The following SRRM2 variants were observed in gnomAD, a reference collection of about 807,000 sequenced individuals.
SRRM2 encodes serine/arginine repetitive matrix protein 2.
Under a neutral mutation model 213.8 loss-of-function variants are expected in SRRM2, and 30 were observed. The ratio of observed to expected loss-of-function variants is 0.14; its 90% CI spans 0.10 to 0.19. The LOEUF (loss-of-function observed/expected upper bound fraction) is 0.19, where lower values mean the gene tolerates loss of function less well. SRRM2 is among the 10% of genes least tolerant of loss of function. The pLI is 1.00. For synonymous variants in SRRM2, 2,025 were observed against 1,377.7 expected, an observed-to-expected ratio of 1.47 and a Z score of -10.40; for missense variants, 4,904 against 3,647.0, an observed-to-expected ratio of 1.34 and a Z score of -8.88.
intron 2 of SRRM2, 107 bp from the exon 3 acceptor site, chr16:2,757,356 AAAGTTCTGT>A (rs2068181029): frequency 1.3e-6 from 1 of 785,770 alleles, no homozygotes; most frequent in Admixed American, 2.5e-5. Context: ...GGGTGAGCGA[AAAGTTCTGT>A]GTGCGCATGG....
chr16:2,759,760 C>A (rs2068273600), intron 9 of SRRM2, 99 bp downstream of exon 9: 1 of 1,106,594 alleles, frequency 9.0e-7, no homozygotes. Context: ...CTGCACAGAC[C>A]ATTCGGAAGA....
At position 2,762,694 on chromosome 16, in the gene SRRM2, C is replaced by A. The variant is rs557517684; in HGVS notation, c.2166C>A (p.Gly722=). The A allele has an allele frequency of 1.2e-6, 2 of 1,614,174 alleles. No homozygotes were observed. Among genetic ancestry groups the A allele is most frequent in the East Asian group, 4.5e-5 (2 of 44,884 alleles). The change falls in exon 11 of 15, where the codon GGC becomes GGA. Residue 722 remains glycine, a synonymous_variant. Transcript: ENST00000301740. ...ACTCTAGAACACCTCAAAGAAGAGG[C>A]AGATCTGGCTCATCTTCAGAGCGGA... is the stretch of plus-strand genomic sequence containing the variant. ...RSHSRTPQRR[G]RSGSSSERKN... is the part of the protein sequence containing the mutation.
chr16:2,758,854 G>A, intron 5 of SRRM2, 131 bp from the exon 6 acceptor site: 1 of 938,780 alleles, frequency 1.1e-6, no homozygotes, highest in Non-Finnish European at 1.6e-6. Flanking sequence ...TAAGTCCTGG[G>A]CTTAGGTCTG....
rs766711316 is a variant in SRRM2, at chr16:2,770,627, G to A, written c.8159G>A (p.Arg2720Gln). 5.8e-6 allele frequency: 9 copies of A among 1,552,566 alleles called. No individual in the cohort carries two copies. Among genetic ancestry groups the A allele is most frequent in the South Asian group, 1.2e-5 (1 of 84,304 alleles). ...AGCAGCAGCAGTGAGCGGGGTTCCC[G>A]GAGAGGCCAGCGTGGGGACAGCCGC... ...QQSSSSERGS[R>Q]RGQRGDSRSP... The change falls in exon 14 of 15, where the codon CGG (arginine) becomes CAG (glutamine). Residue 2720 changes from arginine to glutamine, a missense_variant. By Grantham distance (43) the Arg-to-Gln change is conservative (BLOSUM62 1). Transcript: ENST00000301740.
In SRRM2 at chr16:2,762,560, A is replaced by G. The variant is rs1441600883; in HGVS notation, c.2032A>G (p.Ser678Gly). 1.2e-6 allele frequency: 2 copies of G among 1,613,864 alleles called. No homozygotes were observed. The highest frequency in any genetic ancestry group is 1.7e-6 in the Non-Finnish European group (2 of 1,179,966). Reference sequence around the variant, plus strand: ...ACGCTCTAGAACCCCAGCTAGACGCAGTGGTCGCTCACGCTCCAGAACACC... The same window carrying G: ...ACGCTCTAGAACCCCAGCTAGACGCGGTGGTCGCTCACGCTCCAGAACACC... The part of the protein sequence containing the change: ...RSRSRTPARR[S>G]GRSRSRTPAR... Residue 678 changes from serine to glycine, a missense_variant, in exon 11 of 15, where the codon AGT becomes GGT. By Grantham distance (56) the Ser-to-Gly change is moderately conservative. Transcript: ENST00000301740.
chr16:2,769,359 G>C, intron 12 of SRRM2, 75 bp downstream of exon 12: 4 of 1,478,928 alleles, frequency 2.7e-6, no homozygotes, highest in Non-Finnish European at 3.6e-6. Context: ...TGGGGTGTGA[G>C]CTCCCCGCTG....
In SRRM2 at chr16:2,767,186, C is replaced by A; in HGVS notation, c.6658C>A (p.Leu2220Ile). 1 of 1,614,220 alleles carries A rather than the reference C, an allele frequency of 6.2e-7. No homozygotes were observed. Residue 2220 changes from leucine (L) to isoleucine (I), a missense_variant, in exon 11 of 15, where the codon CTC becomes ATC. Transcript: ENST00000301740. ...TCCAGCCCCGGTGCCTCTCATGAGTCTCAGAACCGCACCAGCAGCCAACCT... is the reference window on the plus strand; with the variant it reads ...TCCAGCCCCGGTGCCTCTCATGAGTATCAGAACCGCACCAGCAGCCAACCT... ...QVPAPVPLMSLRTAPAANLAS... is the reference protein window; with the variant it reads ...QVPAPVPLMSIRTAPAANLAS...
In SRRM2 at chr16:2,764,160, G is replaced by C; in HGVS notation, c.3632G>C (p.Arg1211Thr). ...VFKDTLRTPP[R>T]ERSGAGSSPE... ...AAAGACACACTTAGAACCCCGCCAA[G>C]GGAAAGAAGTGGTGCTGGGTCATCT... The change falls in exon 11 of 15, where the codon AGG becomes ACG. Residue 1211 changes from arginine to threonine, a missense_variant. Coordinates refer to ENST00000301740, the MANE Select transcript of SRRM2 (RefSeq NM_016333.4). 2 of 1,614,194 alleles carry C rather than the reference G, an allele frequency of 1.2e-6. No individual in the cohort carries two copies. Among genetic ancestry groups the C allele is most frequent in the Non-Finnish European group, 1.7e-6 (2 of 1,180,040 alleles).
rs780595446 is a variant in SRRM2, at chr16:2,765,166, T to C, written c.4638T>C (p.Asp1546=). 3.7e-6 allele frequency: 6 copies of C among 1,614,066 alleles called. No homozygotes were observed. The East Asian group carries it at 1.1e-4, about 30-fold the overall frequency. The change falls in exon 11 of 15, where the codon GAT becomes GAC. Residue 1546 remains aspartate, a synonymous_variant. Transcript: ENST00000301740. ...GTTCGGGATCCTCTCAAGAACTTGA[T>C]GTGAAACCCAGTGCATCCCCTCAGG... ...RSRSGSSQEL[D]VKPSASPQER...
Position 2,761,893 on chromosome 16 carries a change from T to C in SRRM2, c.1365T>C (p.Ser455=), listed in dbSNP as rs749045625. 2.5e-6 allele frequency: 4 copies of C among 1,612,956 alleles called. No individual in the cohort carries two copies. In the East Asian group the frequency reaches 8.9e-5, roughly 36 times the overall value. ...PAPGSHREIS[S]SPTSKNRSHG... ...CAGGGTCCCACCGAGAGATTTCTTC[T>C]TCTCCCACATCTAAGAATCGCTCAC... Residue 455 remains serine (S), a synonymous_variant, in exon 11 of 15, where the codon TCT becomes TCC. Transcript: ENST00000301740.
Position 2,763,973 on chromosome 16 carries a change from G to A in SRRM2, c.3445G>A (p.Asp1149Asn). ...TGACTCTTCTTCATATCCTACAGTG[G>A]ACTCGAATTCTCTCTTGGGGCAGAG... Reference protein sequence around the residue: ...QSDSSSYPTVDSNSLLGQSRL... With the variant: ...QSDSSSYPTVNSNSLLGQSRL... Residue 1149 changes from aspartate (D) to asparagine (N), a missense_variant, in exon 11 of 15, where the codon GAC (aspartate) becomes AAC (asparagine). Transcript: ENST00000301740. The A allele has an allele frequency of 6.2e-7, 1 of 1,614,180 alleles. No individual in the cohort carries two copies.
chr16:2,755,110 T>C lies in SRRM2; in HGVS notation c.-31-1224T>C, dbSNP rs1295025680. Among the ~76,000 whole-genome samples the C allele has an allele frequency of 2.6e-5, 4 of 152,254 alleles. No homozygotes were observed. In the East Asian group the frequency reaches 7.7e-4, roughly 29 times the overall value. On this transcript the variant is annotated intron_variant, in intron 1 of 14. Transcript: ENST00000301740. Reference sequence around the variant, plus strand: ...GTAGTATTTTCTCATATATGCATGTTCTAGGAAACTATCTTGGAGAGGATG... The same window carrying C: ...GTAGTATTTTCTCATATATGCATGTCCTAGGAAACTATCTTGGAGAGGATG...
chr16:2,762,669 A>C lies in SRRM2; in HGVS notation c.2141A>C (p.His714Pro), dbSNP rs765184354. 1 of 1,614,038 alleles carries C rather than the reference A, an allele frequency of 6.2e-7. No individual in the cohort carries two copies. The highest frequency in any genetic ancestry group is 1.3e-5 in the African/African-American group (1 of 74,994). The change falls in exon 11 of 15, where the codon CAC becomes CCC. Residue 714 changes from histidine to proline, a missense_variant. Physicochemically the swap from His to Pro is moderately conservative, Grantham distance 77. Coordinates refer to ENST00000301740, the MANE Select transcript of SRRM2 (RefSeq NM_016333.4). ...AGCTTAGTTAGACGTGGAAGATCTCACTCTAGAACACCTCAAAGAAGAGGC... is the reference window on the plus strand; with the variant it reads ...AGCTTAGTTAGACGTGGAAGATCTCCCTCTAGAACACCTCAAAGAAGAGGC... ...SRSLVRRGRSHSRTPQRRGRS... is the reference protein window; with the variant it reads ...SRSLVRRGRSPSRTPQRRGRS...
Position 2,769,186 on chromosome 16 carries a change from C to G in SRRM2, c.7923C>G (p.Ser2641=), listed in dbSNP as rs1186870486. 2 of 1,610,742 alleles carry G rather than the reference C, an allele frequency of 1.2e-6. No homozygotes were observed. The highest frequency in any genetic ancestry group is 1.7e-6 in the Non-Finnish European group (2 of 1,178,208). Residue 2641 remains serine, a synonymous_variant, in exon 12 of 15, where the codon TCC becomes TCG. Coordinates refer to ENST00000301740, the MANE Select transcript of SRRM2 (RefSeq NM_016333.4). ...SSSSSSSSSS[S]SSSSSSSPSP... is the part of the protein sequence containing the mutation. ...CTTCTTCTTCTTCCTCCTCATCTTC[C>G]TCCTCCTCGTCGTCTTCCTCCCCTT...
chr16:2,768,392 T>C, intron 11 of SRRM2, 131 bp downstream of exon 11: 1 of 1,037,346 alleles, frequency 9.6e-7, no homozygotes, highest in Non-Finnish European at 1.4e-6. Flanking sequence ...ACCCTCAAGC[T>C]GGGGGTAGAA....
chr16:2,752,818 C>T lies in SRRM2; in HGVS notation c.-60C>T, dbSNP rs1476342076. On this transcript the variant is annotated 5_prime_UTR_variant, in exon 1 of 15. Transcript: ENST00000301740. ...GCAGCGGCGGCGGCAAGACCTCTCC[C>T]CCTCGGAGGCGGCGGGCGGAGGCGG... The T allele has an allele frequency of 9.7e-6, 3 of 310,598 alleles. No individual in the cohort carries two copies. The highest frequency in any genetic ancestry group is 2.3e-5 in the African/African-American group (1 of 43,496). 19.2% of individuals were successfully genotyped at this position (310,598 alleles called of 1,614,324 possible). A position where few individuals can be genotyped will look rare whatever the true frequency, so the allele number is the denominator to read the frequency against.
At position 2,759,397 on chromosome 16, in the gene SRRM2, A is replaced by G. The variant is rs773680637; in HGVS notation, c.735A>G (p.Arg245=). The stretch of plus-strand genomic sequence containing the variant: ...AACGTAAATCTAAGGACAAAAAGCG[A>G]AAGCGGTGAGTGAATTTGTGGGGAA... ...KSKRKSKDKK[R]KRSRSTTPAP... The change falls in exon 8 of 15, where the codon CGA becomes CGG. Residue 245 remains arginine (R), a synonymous_variant. Transcript: ENST00000301740. 8.2e-6 allele frequency: 13 copies of G among 1,593,806 alleles called. No homozygotes were observed. Among genetic ancestry groups the G allele is most frequent in the Admixed American group, 1.8e-5 (1 of 54,586 alleles).
chr16:2,758,370 T>G, intron 4 of SRRM2, 100 bp from the exon 5 acceptor site: 2 of 1,133,988 alleles, frequency 1.8e-6, no homozygotes, highest in South Asian at 1.3e-5. Context: ...GACTCTTATT[T>G]TTTTATTTTT....
intron 10 of SRRM2, among the ~76,000 whole-genome samples, chr16:2,761,186 G>GT (rs1158906277): frequency 6.6e-6 from 1 of 152,074 alleles, no homozygotes. Context: ...TATTCATGCT[G>GT]TTTCTTTTCG....
Sources: allele counts gnomAD v4.1 joint callset (sites outside exome capture counted in the v4.1 genomes callset), GRCh38; gene constraint gnomAD v4.1.1; transcripts MANE v1.5; gene names NCBI Gene and HGNC (gene_info 2026-07-23, HGNC 2026-07-21).